Variants in OSBPL3 observed in about 807,000 individuals in gnomAD.
OSBPL3 encodes the protein oxysterol binding protein like 3.
In OSBPL3, 65 loss-of-function variants were observed where a neutral mutation model predicts 120.1. That is an observed-to-expected ratio of 0.54 (90% CI 0.44 to 0.67). The LOEUF (loss-of-function observed/expected upper bound fraction) is 0.67. Among genes scored for constraint, OSBPL3 ranks in the 30% least tolerant of loss-of-function variants. The pLI, the probability that OSBPL3 is intolerant of heterozygous loss-of-function variation, is 0.00. For missense variants in OSBPL3, 1,004 were observed against 1,082.1 expected, an observed-to-expected ratio of 0.93 and a Z score of 1.01; for synonymous variants, 416 against 402.6, an observed-to-expected ratio of 1.03 and a Z score of -0.40.
chr7:24,886,690 C>G (rs1458718063), intron 2 of OSBPL3, among the ~76,000 whole-genome samples: 1 of 152,180 alleles, frequency 6.6e-6, no homozygotes, highest in African/African-American at 2.4e-5. Context: ...CAACCATATA[C>G]TTTTTTAACC....
At chr7:24,842,550 C>T in intron 12 of OSBPL3, 137 bp from the exon 13 acceptor site, 1 of 668,600 alleles carries the variant, frequency 1.5e-6, no homozygotes, top group Non-Finnish European at 2.5e-6. Context: ...TCAGCTCCAA[C>T]ACTGAGATGC....
At chr7:24,841,297 T>C (rs1024056368) in intron 13 of OSBPL3, among the ~76,000 whole-genome samples, 3 of 113,260 alleles carry the variant, frequency 2.6e-5, no homozygotes, top group African/African-American at 1.1e-4. Context: ...AATAACCATA[T>C]TATCATAAAA....
At chr7:24,970,746 C>T (rs1296202886) in intron 1 of OSBPL3, among the ~76,000 whole-genome samples, 4 of 152,098 alleles carry the variant, frequency 2.6e-5, no homozygotes, top group Non-Finnish European at 4.4e-5. Flanking sequence ...TTTAATAAAA[C>T]GAAAATGTCT....
In OSBPL3 at chr7:24,894,815, C is replaced by G. The variant is rs1265095881; in HGVS notation, c.-149-2194G>C. ...ACCACCAAAACAGAAACACCACAAC[C>G]CTGTCCTAGAGGCAGCTGATACAGG... On this transcript the variant is annotated intron_variant, in intron 1 of 22. Coordinates refer to ENST00000313367, the MANE Select transcript of OSBPL3 (RefSeq NM_015550.4). The surrounding 1 kb of genome is among the most constrained non-coding windows in gnomAD (Gnocchi z 4.1). Among the ~76,000 whole-genome samples, 3 of 152,170 alleles carry G rather than the reference C, an allele frequency of 2.0e-5. No individual in the cohort carries two copies. The highest frequency in any genetic ancestry group is 7.2e-5 in the African/African-American group (3 of 41,418).
At position 24,873,681 on chromosome 7, in the gene OSBPL3, A is replaced by C. The variant is rs1802470660; in HGVS notation, c.97-1612T>G. On this transcript the variant is annotated intron_variant, in intron 2 of 22. Transcript: ENST00000313367. This position sits in a 1 kb window ranked among gnomAD's most constrained non-coding sequence, Gnocchi z 4.1. ...TATTCCAAGTCACTTAATTACACTC[A>C]GACAATAAATGCATACTACTAAGTG... 6.6e-6 allele frequency among the ~76,000 whole-genome samples: 1 copy of C among 152,150 alleles called. No individual in the cohort carries two copies. The highest frequency in any genetic ancestry group is 2.4e-5 in the African/African-American group (1 of 41,432).
chr7:24,809,726 C>T (rs913765324), intron 20 of OSBPL3, 81 bp downstream of exon 20: 24 of 1,342,304 alleles, frequency 1.8e-5, no homozygotes, highest in Non-Finnish European at 2.1e-5. Flanking sequence ...ACAGACACTA[C>T]TCCTGTCCTC....
Position 24,806,960 on chromosome 7 carries a change from A to T in OSBPL3, c.2318-58T>A, listed in dbSNP as rs1793126764. 1 of 1,477,616 alleles carries T rather than the reference A, an allele frequency of 6.8e-7. No homozygotes were observed. The allele number at this position is 1,477,616 out of a possible 1,614,324, so 91.5% of individuals were successfully genotyped here. On this transcript the variant is annotated intron_variant, in intron 20 of 22. Coordinates refer to ENST00000313367, the MANE Select transcript of OSBPL3 (RefSeq NM_015550.4). This position sits in a 1 kb window ranked among gnomAD's most constrained non-coding sequence, Gnocchi z 5.2. ...TGCATGTTACTTATGTTACATTTTA[A>T]TTCCTTCACCTTTTTCGTCTCAGCC...
In OSBPL3 at chr7:24,809,964, T is replaced by C; in HGVS notation, c.2173-13A>G. 1 of 1,614,020 alleles carries C rather than the reference T, an allele frequency of 6.2e-7. No individual in the cohort carries two copies. Among genetic ancestry groups the C allele is most frequent in the Non-Finnish European group, 8.5e-7 (1 of 1,179,860 alleles). On this transcript the variant is annotated splice_polypyrimidine_tract_variant and intron_variant, in intron 19 of 22. Transcript: ENST00000313367. ...TCCAGTATTTTGCCTAGGATTCAAA[T>C]GAGTTGTTGGCTTAGTCCTTTAGCA...
Position 24,900,580 on chromosome 7 carries a change from A to G in OSBPL3, c.-149-7959T>C, listed in dbSNP as rs1806838082. 1.3e-5 allele frequency among the ~76,000 whole-genome samples: 2 copies of G among 152,208 alleles called. No homozygotes were observed. The highest frequency in any genetic ancestry group is 2.4e-5 in the African/African-American group (1 of 41,454). On this transcript the variant is annotated intron_variant, in intron 1 of 22. Transcript: ENST00000313367. The surrounding 1 kb of genome is among the most constrained non-coding windows in gnomAD (Gnocchi z 4.5). ...TGCTTAGCTACTCCTTAATCAAGGT[A>G]TGGCAAGTACCAGACACATGTGCTT...
At chr7:24,861,501 T>G in intron 10 of OSBPL3, 112 bp downstream of exon 10, 4 of 658,600 alleles carry the variant, frequency 6.1e-6, no homozygotes, top group Non-Finnish European at 9.9e-6. Flanking sequence ...CCCTAAATCT[T>G]AATAGAGCAG....
At chr7:24,931,796 T>A (rs1192568992) in intron 1 of OSBPL3, among the ~76,000 whole-genome samples, 2 of 151,804 alleles carry the variant, frequency 1.3e-5, no homozygotes, top group Admixed American at 6.6e-5. Flanking sequence ...TAAAGAGAAG[T>A]ATGAAACAGC....
At position 24,820,602 on chromosome 7, in the gene OSBPL3, A is replaced by G. The variant is rs13231119; in HGVS notation, c.1885-364T>C. On this transcript the variant is annotated intron_variant, in intron 16 of 22. Coordinates refer to ENST00000313367, the MANE Select transcript of OSBPL3 (RefSeq NM_015550.4). The surrounding 1 kb of genome is among the most constrained non-coding windows in gnomAD (Gnocchi z 4.6). ...ACATATAATCTGACATTGGCTACCA[A>G]TGTCAACATCTCTTATTAGCTGTTC... is the stretch of plus-strand genomic sequence containing the variant. Among the ~76,000 whole-genome samples the G allele has an allele frequency of 0.1, 15,835 of 152,262 alleles. 1,243 individuals are homozygous for G. The highest frequency in any genetic ancestry group is 0.26 in the East Asian group (1,366 of 5,170).
At chr7:24,874,793 C>A (rs1167486602) in intron 2 of OSBPL3, among the ~76,000 whole-genome samples, 1 of 152,188 alleles carries the variant, frequency 6.6e-6, no homozygotes, top group African/African-American at 2.4e-5. Context: ...TGAAGACTCT[C>A]CTTGACTAAA....
In OSBPL3 at chr7:24,879,271, C is replaced by A. The variant is rs893089049; in HGVS notation, c.97-7202G>T. 6.6e-6 allele frequency among the ~76,000 whole-genome samples: 1 copy of A among 152,182 alleles called. No homozygotes were observed. Among genetic ancestry groups the A allele is most frequent in the Non-Finnish European group, 1.5e-5 (1 of 68,040 alleles). ...CTAAACAGCAGCATTTGCATTAGCTCTATAACCTCAAGTACAATCCCTGAC... is the reference window on the plus strand; with the variant it reads ...CTAAACAGCAGCATTTGCATTAGCTATATAACCTCAAGTACAATCCCTGAC... On this transcript the variant is annotated intron_variant, in intron 2 of 22. Transcript: ENST00000313367. This position sits in a 1 kb window ranked among gnomAD's most constrained non-coding sequence, Gnocchi z 5.6.
intron 1 of OSBPL3, among the ~76,000 whole-genome samples, chr7:24,971,896 G>T (rs1391321193): frequency 6.6e-6 from 1 of 152,148 alleles, no homozygotes; most frequent in African/African-American, 2.4e-5. Context: ...GCTCCAACAA[G>T]CTCCGAAGGA....
Position 24,830,913 on chromosome 7 carries a change from C to G in OSBPL3, c.1747-8G>C. 6.3e-7 allele frequency: 1 copy of G among 1,587,090 alleles called. No homozygotes were observed. The highest frequency in any genetic ancestry group is 8.5e-7 in the Non-Finnish European group (1 of 1,171,680). On this transcript the variant is annotated splice_region_variant and splice_polypyrimidine_tract_variant and intron_variant, in intron 15 of 22. Coordinates refer to ENST00000313367, the MANE Select transcript of OSBPL3 (RefSeq NM_015550.4). The surrounding 1 kb of genome is among the most constrained non-coding windows in gnomAD (Gnocchi z 4.4). ...AAAGGCTGCCACATATACCTAAGGA[C>G]AAGAGAAAAGAACTTTGTCATTTCC...
rs758572137 is a variant in OSBPL3 at position 24,815,126 on chromosome 7, T to C, written c.2105A>G (p.His702Arg). Reference sequence around the variant, plus strand: ...GTTCTTGATGACAATCTCTCCATAGTGCTCAATCCACCTCTGCCCGCTTAA... The same window carrying C: ...GTTCTTGATGACAATCTCTCCATAGCGCTCAATCCACCTCTGCCCGCTTAA... ...NILSGQRWIE[H>R]YGEIVIKNLH... The change falls in exon 19 of 23, where the codon CAC (histidine) becomes CGC (arginine). Residue 702 changes from histidine (H) to arginine (R), a missense_variant. His to Arg is a conservative substitution (Grantham distance 29, BLOSUM62 0). Coordinates refer to ENST00000313367, the MANE Select transcript of OSBPL3 (RefSeq NM_015550.4). This position sits in a 1 kb window ranked among gnomAD's most constrained non-coding sequence, Gnocchi z 5.1. The C allele has an allele frequency of 1.2e-6, 2 of 1,613,208 alleles. No homozygotes were observed. The highest frequency in any genetic ancestry group is 3.3e-5 in the Admixed American group (2 of 60,028).
Position 24,952,712 on chromosome 7 carries a change from C to T in OSBPL3, c.-150+27174G>A, listed in dbSNP as rs921601716. ...TATAGAGATTATGGTAAGGTTATTT[C>T]CAGGATTCTAGGCCTGCCCTACCAA... On this transcript the variant is annotated intron_variant, in intron 1 of 22. Coordinates refer to ENST00000313367, the MANE Select transcript of OSBPL3 (RefSeq NM_015550.4). The surrounding 1 kb of genome is among the most constrained non-coding windows in gnomAD (Gnocchi z 4.4). Among the ~76,000 whole-genome samples the T allele has an allele frequency of 6.6e-6, 1 of 152,140 alleles. No homozygotes were observed. Among genetic ancestry groups the T allele is most frequent in the Admixed American group, 6.5e-5 (1 of 15,292 alleles).
At chr7:24,914,553 G>C (rs540537965) in intron 1 of OSBPL3, among the ~76,000 whole-genome samples, 1 of 151,940 alleles carries the variant, frequency 6.6e-6, no homozygotes, top group African/African-American at 2.4e-5. Context: ...GCACAAAATG[G>C]GCAAACCTAG....
Sources: allele counts gnomAD v4.1 joint callset (sites outside exome capture counted in the v4.1 genomes callset), GRCh38; gene constraint gnomAD v4.1.1; non-coding constraint Gnocchi (gnomAD v3.1); transcripts MANE v1.5; gene names NCBI Gene and HGNC (gene_info 2026-07-23, HGNC 2026-07-21).